FMN1: variants seen among roughly 807,000 people sequenced by gnomAD.
FMN1 encodes the protein formin-1.
A neutral mutation model predicts 132.4 loss-of-function variants in FMN1; 110 were observed. That is an observed-to-expected ratio of 0.83 (90% CI 0.71 to 0.97). The LOEUF (loss-of-function observed/expected upper bound fraction) is 0.97. Ranked by LOEUF, FMN1 falls within the 50% of genes least tolerant of loss-of-function variation. The probability of loss-of-function intolerance (pLI) is 0.00; values close to 1 mark genes in which losing one functional copy is unlikely to be tolerated. For missense variants in FMN1, 1,792 were observed against 1,705.3 expected, an observed-to-expected ratio of 1.05 and a Z score of -0.90; for synonymous variants, 722 against 651.7, an observed-to-expected ratio of 1.11 and a Z score of -1.64.
chr15:32,995,976 C>A (rs901271937), intron 7 of FMN1, among the ~76,000 whole-genome samples: 1 of 152,180 alleles, frequency 6.6e-6, no homozygotes, highest in African/African-American at 2.4e-5. Flanking sequence ...CAGAATGTTT[C>A]TTTTACCTCG....
intron 19 of FMN1, among the ~76,000 whole-genome samples, chr15:32,780,708 CCA>C (rs2056634902): frequency 6.6e-6 from 1 of 152,122 alleles, no homozygotes; most frequent in African/African-American, 2.4e-5. Context: ...TTTCTGGCAA[CCA>C]CAGAAGGGAC....
intron 16 of FMN1, among the ~76,000 whole-genome samples, chr15:32,876,482 T>G (rs1344345615): frequency 6.6e-6 from 1 of 152,210 alleles, no homozygotes; most frequent in Non-Finnish European, 1.5e-5. Context: ...TCTAAATGTA[T>G]CATTGCCAGT....
At chr15:32,866,467 C>T (rs368214723) in intron 16 of FMN1, among the ~76,000 whole-genome samples, 1 of 152,086 alleles carries the variant, frequency 6.6e-6, no homozygotes, top group Admixed American at 6.5e-5. Flanking sequence ...AATAATCAAA[C>T]AGTAGAAAGG....
intron 3 of FMN1, among the ~76,000 whole-genome samples, chr15:33,157,612 GTT>G (rs950007241): frequency 1.3e-5 from 2 of 151,948 alleles, no homozygotes; most frequent in African/African-American, 4.8e-5. Context: ...GAATAGAGGA[GTT>G]TTTTTTGTTG....
At chr15:33,015,610 C>G (rs1341547236) in intron 6 of FMN1, among the ~76,000 whole-genome samples, 1 of 152,166 alleles carries the variant, frequency 6.6e-6, no homozygotes, top group Non-Finnish European at 1.5e-5. Flanking sequence ...CATGGATCTA[C>G]TCCTACCCGC....
At position 33,066,599 on chromosome 15, in the gene FMN1, C is replaced by T. The variant is rs371633150; in HGVS notation, c.2044-1525G>A. ...CGACTCCTTCTCATGTCTCATCTTG[C>T]GCTTGAGAGCTTCCAGCTCAGAGGT... is the stretch of plus-strand genomic sequence containing the variant. On this transcript the variant is annotated intron_variant, in intron 5 of 20. Transcript: ENST00000616417. The T allele has an allele frequency of 1.1e-5, 17 of 1,613,544 alleles. No individual in the cohort carries two copies. Among genetic ancestry groups the T allele is most frequent in the African/African-American group, 6.7e-5 (5 of 74,882 alleles).
chr15:33,005,150 T>C (rs2140931186), intron 7 of FMN1, among the ~76,000 whole-genome samples: 1 of 152,002 alleles, frequency 6.6e-6, no homozygotes, highest in South Asian at 2.1e-4. Flanking sequence ...GTAACAAACC[T>C]GCACGTTGTG....
rs907606835 is a variant in FMN1 at position 33,050,109 on chromosome 15, T to C, written c.2161+14848A>G. 5.3e-5 allele frequency among the ~76,000 whole-genome samples: 8 copies of C among 152,184 alleles called. No individual in the cohort carries two copies. The East Asian group carries it at 5.8e-4, about 11-fold the overall frequency. On this transcript the variant is annotated intron_variant, in intron 6 of 20. Coordinates refer to ENST00000616417, the MANE Select transcript of FMN1 (RefSeq NM_001277313.2). Reference sequence around the variant, plus strand: ...GATTCTGCCCAACTGTTGGCTAAAGTGTGTTCTGAGCATATTTAAGGTAGG... The same window carrying C: ...GATTCTGCCCAACTGTTGGCTAAAGCGTGTTCTGAGCATATTTAAGGTAGG...
In FMN1 at chr15:32,910,582, C is replaced by A. The variant is rs370185945; in HGVS notation, c.3227-47G>T. ...AAGAGGATAAGGGATTTGATTAGGT[C>A]CCCTGCACCAATGTTTACTCCACAT... On this transcript the variant is annotated intron_variant, in intron 10 of 20. Transcript: ENST00000616417. 1.3e-4 allele frequency: 179 copies of A among 1,377,008 alleles called. 1 individual carries two copies. In the South Asian group the frequency reaches 2.1e-3, roughly 16 times the overall value. 85.3% of individuals were successfully genotyped at this position (1,377,008 alleles called of 1,614,324 possible).
intron 4 of FMN1, among the ~76,000 whole-genome samples, chr15:33,120,193 G>C (rs1962418820): frequency 6.6e-6 from 1 of 152,184 alleles, no homozygotes; most frequent in South Asian, 2.1e-4. Flanking sequence ...TCACTTCTCA[G>C]AAATAATCTG....
intron 6 of FMN1, among the ~76,000 whole-genome samples, chr15:33,061,995 T>C (rs1266268684): frequency 6.6e-6 from 1 of 152,150 alleles, no homozygotes; most frequent in Non-Finnish European, 1.5e-5. Flanking sequence ...TCAGAAATTA[T>C]ATAATGAAAG....
At chr15:33,017,209 G>A (rs2035104407) in intron 6 of FMN1, among the ~76,000 whole-genome samples, 1 of 152,006 alleles carries the variant, frequency 6.6e-6, no homozygotes. Flanking sequence ...GGGTTTTTAG[G>A]ACAGTGCAAC....
At chr15:32,847,737 C>T (rs2141245759) in intron 17 of FMN1, among the ~76,000 whole-genome samples, 1 of 152,212 alleles carries the variant, frequency 6.6e-6, no homozygotes, top group East Asian at 1.9e-4. Flanking sequence ...CACCTGTAGT[C>T]CCAGCTACTC....
intron 9 of FMN1, 53 bp from the exon 10 acceptor site, chr15:32,926,314 T>A (rs2060960167): frequency 5.9e-6 from 6 of 1,021,518 alleles, no homozygotes; most frequent in Non-Finnish European, 8.6e-6. Flanking sequence ...CCATGCAGTC[T>A]TTCAGGACGC....
intron 16 of FMN1, among the ~76,000 whole-genome samples, chr15:32,872,667 C>A (rs182088417): frequency 6.6e-6 from 1 of 152,306 alleles, no homozygotes; most frequent in Admixed American, 6.5e-5. Flanking sequence ...TAGGACTAGT[C>A]CCCTTCCAGC....
At chr15:32,881,853 A>G (rs182441277) in intron 16 of FMN1, among the ~76,000 whole-genome samples, 6 of 152,322 alleles carry the variant, frequency 3.9e-5, no homozygotes, top group Admixed American at 3.9e-4. Flanking sequence ...CAGGAGCCCA[A>G]TACATCTAAC....
intron 17 of FMN1, among the ~76,000 whole-genome samples, chr15:32,810,716 T>C (rs1479154402): frequency 6.6e-6 from 1 of 152,220 alleles, no homozygotes; most frequent in Non-Finnish European, 1.5e-5. Context: ...GGGGCTTTTA[T>C]GCCAAACGCA....
At chr15:33,018,432 C>G (rs528442068) in intron 6 of FMN1, among the ~76,000 whole-genome samples, 1 of 152,220 alleles carries the variant, frequency 6.6e-6, no homozygotes, top group East Asian at 1.9e-4. Flanking sequence ...AAGGTTGAGT[C>G]GCTCACCAAT....
chr15:32,929,992 T>G lies in FMN1; in HGVS notation c.3139-3731A>C, dbSNP rs921445146. ...AGTTCTATTTTTAAATTTTTTTTTT[T>G]TTTTTTTTTTTTTTTGAGCTGGAGT... is the stretch of plus-strand genomic sequence containing the variant. On this transcript the variant is annotated intron_variant, in intron 9 of 20. Coordinates refer to ENST00000616417, the MANE Select transcript of FMN1 (RefSeq NM_001277313.2). Among the ~76,000 whole-genome samples, 8 of 133,258 alleles carry G rather than the reference T, an allele frequency of 6.0e-5. No homozygotes were observed. In the East Asian group the frequency reaches 1.7e-3, roughly 28 times the overall value. The allele number at this position is 133,258 out of a possible 152,430, so 87.4% of individuals were successfully genotyped here. A position where few individuals can be genotyped will look rare whatever the true frequency, so the allele number is the denominator to read the frequency against.
Sources: gnomAD v4.1 joint callset for allele counts (sites outside exome capture counted in the v4.1 genomes callset) on GRCh38, gnomAD v4.1.1 for gene constraint, MANE v1.5 for transcripts, NCBI Gene and HGNC (gene_info 2026-07-23, HGNC 2026-07-21) for gene names.